Variants in GSN observed in about 807,000 individuals in gnomAD.
GSN encodes the protein actin-depolymerizing factor.
In GSN, 56 loss-of-function variants were observed where a neutral mutation model predicts 85.7. That is an observed-to-expected ratio of 0.65 (90% confidence interval 0.53 to 0.82). GSN has a LOEUF of 0.82. Among genes scored for constraint, GSN ranks in the 40% least tolerant of loss-of-function variants. The pLI is 0.00. For synonymous variants in GSN, 373 were observed against 399.1 expected (o/e 0.93, Z 0.78); for missense variants, 857 against 979.8 (o/e 0.87, Z 1.67).
At chr9:121,306,056 G>C (rs572780235) in intron 4 of GSN, among the ~76,000 whole-genome samples, 17 of 152,246 alleles carry the variant, frequency 1.1e-4, no homozygotes, top group Non-Finnish European at 2.2e-4. Context: ...CCCTGCAAGA[G>C]AGTTCAGAAT....
At chr9:121,289,576 T>C (rs2058489853) in intron 2 of GSN, among the ~76,000 whole-genome samples, 1 of 152,144 alleles carries the variant, frequency 6.6e-6, no homozygotes, top group Non-Finnish European at 1.5e-5. Flanking sequence ...AGGCCGTGGA[T>C]TGCAGGCTAA....
intron 1 of GSN, among the ~76,000 whole-genome samples, chr9:121,269,466 C>T (rs1253898450): frequency 1.3e-5 from 2 of 152,140 alleles, no homozygotes; most frequent in Non-Finnish European, 2.9e-5. Flanking sequence ...CTCTAGCCTC[C>T]TTCTTGGGTG....
At chr9:121,271,471 A>ACC (rs2055946149) in intron 1 of GSN, among the ~76,000 whole-genome samples, 2 of 152,236 alleles carry the variant, frequency 1.3e-5, no homozygotes, top group South Asian at 4.1e-4. Context: ...ATCTTCTTTT[A>ACC]CAGATGAGGA....
intron 4 of GSN, among the ~76,000 whole-genome samples, chr9:121,212,815 T>A (rs2053991864): frequency 1.3e-5 from 2 of 151,972 alleles, no homozygotes; most frequent in Non-Finnish European, 2.9e-5. Context: ...GGCTAATTTT[T>A]GTATATTTTT....
chr9:121,316,945 C>A, intron 7 of GSN, 141 bp from the exon 8 acceptor site: 3 of 966,846 alleles, frequency 3.1e-6, no homozygotes, highest in Non-Finnish European at 4.7e-6. Context: ...CGAAAAAGAA[C>A]CTCTAAATGT....
chr9:121,310,078 GAAAA>G (rs764239544), intron 4 of GSN: 4 of 152,876 alleles, frequency 2.6e-5, no homozygotes, highest in Admixed American at 1.3e-4. Context: ...AGAAAGGAAA[GAAAA>G]AAGAAAGAGG....
At chr9:121,233,052 G>T (rs2054424520) in intron 5 of GSN, among the ~76,000 whole-genome samples, 1 of 152,194 alleles carries the variant, frequency 6.6e-6, no homozygotes, top group Non-Finnish European at 1.5e-5. Flanking sequence ...GGGTTGGCCT[G>T]AGACTGCTTA....
upstream of GSN, chr9:121,203,467 C>T (rs1166334182): frequency 1.3e-5 from 2 of 152,276 alleles, no homozygotes; most frequent in Non-Finnish European, 2.9e-5. Context: ...TTGTTGGCCC[C>T]TAAAAGTATT....
chr9:121,235,487 G>A (rs550986831), intron 5 of GSN, among the ~76,000 whole-genome samples: 77 of 152,146 alleles, frequency 5.1e-4, no homozygotes, highest in Non-Finnish European at 9.7e-4. Context: ...CTCTCTCCCT[G>A]TCCAGCTCAA....
At chr9:121,266,270 C>T (rs2055199885), upstream of GSN, among the ~76,000 whole-genome samples, 4 of 152,214 alleles carry the variant, frequency 2.6e-5, no homozygotes, top group Admixed American at 2.6e-4. Flanking sequence ...GTGGTATTCT[C>T]CAGTTCTATG....
chr9:121,323,218 T>C lies in GSN; in HGVS notation c.1326-1336T>C, dbSNP rs1311797597. Among the ~76,000 whole-genome samples, 30 of 152,156 alleles carry C rather than the reference T, an allele frequency of 2.0e-4. 1 individual carries two copies. The highest frequency in any genetic ancestry group is 2.0e-3 in the Admixed American group (30 of 15,274). ...AAATAGTACAGACAGTTCTCATATA[T>C]CCATTACCCAATGGAATATTCACCT... On this transcript the variant is annotated intron_variant, in intron 11 of 17. Transcript: ENST00000432226.
At chr9:121,275,158 C>G (rs1204758844) in intron 1 of GSN, among the ~76,000 whole-genome samples, 1 of 152,174 alleles carries the variant, frequency 6.6e-6, no homozygotes, top group Non-Finnish European at 1.5e-5. Flanking sequence ...ATTCATTTGG[C>G]AAATACACTT....
At chr9:121,298,700 C>T (rs1406467847) in intron 2 of GSN, among the ~76,000 whole-genome samples, 3 of 152,222 alleles carry the variant, frequency 2.0e-5, no homozygotes, top group African/African-American at 7.2e-5. Flanking sequence ...CTCTCCAGTC[C>T]TCTTTCCTGT....
chr9:121,288,187 CAA>C (rs1166171904), intron 2 of GSN, among the ~76,000 whole-genome samples: 1 of 152,106 alleles, frequency 6.6e-6, no homozygotes, highest in Non-Finnish European at 1.5e-5. Flanking sequence ...CTCAGCCTTC[CAA>C]AGTGCTGGGA....
chr9:121,286,170 C>T (rs1240645546), intron 2 of GSN: 9 of 1,534,012 alleles, frequency 5.9e-6, no homozygotes, highest in African/African-American at 1.4e-5. Flanking sequence ...CCCTCAGGGG[C>T]AATTCTGACC....
intron 2 of GSN, among the ~76,000 whole-genome samples, chr9:121,289,713 G>A (rs970295816): frequency 6.6e-6 from 1 of 152,200 alleles, no homozygotes; most frequent in African/African-American, 2.4e-5. Flanking sequence ...CACACAGGGA[G>A]GCAGAGCCAA....
upstream of GSN, chr9:121,265,890 T>A (rs2055187488): frequency 6.6e-6 from 1 of 152,196 alleles, no homozygotes; most frequent in Admixed American, 6.5e-5. Context: ...ACTTGATATA[T>A]CCTGCCAGCT....
upstream of GSN, among the ~76,000 whole-genome samples, chr9:121,263,337 A>T (rs1470784070): frequency 6.6e-6 from 1 of 152,232 alleles, no homozygotes; most frequent in Non-Finnish European, 1.5e-5. Flanking sequence ...GATAATAGTG[A>T]AATATAGTAA....
chr9:121,299,477 G>A lies in GSN; in HGVS notation c.-9-2486G>A. The A allele has an allele frequency of 1.0e-6, 1 of 985,236 alleles. No homozygotes were observed. Among genetic ancestry groups the A allele is most frequent in the Non-Finnish European group, 1.2e-6 (1 of 829,726 alleles). 61.0% of individuals were successfully genotyped at this position (985,236 alleles called of 1,614,324 possible). The stretch of plus-strand genomic sequence containing the variant: ...GGATGTGCTGATGCCTCGGTGAAAA[G>A]CTTTCAAAAATTGTTAGTTCATGTT... On this transcript the variant is annotated intron_variant, in intron 2 of 17. Coordinates refer to ENST00000432226, the MANE Select transcript of GSN (RefSeq NM_198252.3). The surrounding 1 kb of genome is among the most constrained non-coding windows in gnomAD (Gnocchi z 4.2).
Sources: allele counts gnomAD v4.1 joint callset (sites outside exome capture counted in the v4.1 genomes callset), GRCh38; gene constraint gnomAD v4.1.1; non-coding constraint Gnocchi (gnomAD v3.1); transcripts MANE v1.5; gene names NCBI Gene and HGNC (gene_info 2026-07-23, HGNC 2026-07-21).